The following CELF2 variants were observed in gnomAD, a reference collection of about 807,000 sequenced individuals.
CELF2 encodes the protein CUGBP Elav-like family member 2.
Under a neutral mutation model 62.6 loss-of-function variants are expected in CELF2, and 8 were observed. The ratio of observed to expected loss-of-function variants is 0.13; its 90% CI spans 0.07 to 0.23. The LOEUF is 0.23. Ranked by LOEUF, CELF2 falls within the 10% of genes least tolerant of loss-of-function variation. CELF2 has a pLI of 1.00. For synonymous variants in CELF2, 258 were observed against 250.0 expected, an observed-to-expected ratio of 1.03 and a Z score of -0.30; for missense variants, 333 against 671.0, an observed-to-expected ratio of 0.50 and a Z score of 5.56.
chr10:10,974,058 A>T (rs2051062538), intron 2 of CELF2, among the ~76,000 whole-genome samples: 1 of 152,206 alleles, frequency 6.6e-6, no homozygotes, highest in Non-Finnish European at 1.5e-5. Context: ...CTATACCAGA[A>T]TCTCAGCTCT....
rs1466326189 is a variant in CELF2, at chr10:11,224,092, A to T, written c.354+6585A>T. Among the ~76,000 whole-genome samples the T allele has an allele frequency of 6.6e-6, 1 of 152,230 alleles. No individual in the cohort carries two copies. The highest frequency in any genetic ancestry group is 6.5e-5 in the Admixed American group (1 of 15,286). ...TAAGGAATTGTACGAGAGAAAATGT[A>T]TGAGGATTCTTCAGTGGTGCAAAGT... is the stretch of plus-strand genomic sequence containing the variant. On this transcript the variant is annotated intron_variant, in intron 3 of 12. Coordinates refer to ENST00000633077, the MANE Select transcript of CELF2 (RefSeq NM_001326342.2). The surrounding 1 kb of genome is among the most constrained non-coding windows in gnomAD (Gnocchi z 4.5).
chr10:11,215,029 A>C (rs1252118473), intron 2 of CELF2, among the ~76,000 whole-genome samples: 2 of 152,114 alleles, frequency 1.3e-5, no homozygotes, highest in African/African-American at 4.8e-5. Context: ...AAAACCACCC[A>C]CCTTCTTTTC....
the CELF2 span, among the ~76,000 whole-genome samples, chr10:10,568,038 A>T: frequency 6.6e-6 from 1 of 152,200 alleles, no homozygotes; most frequent in Non-Finnish European, 1.5e-5. Flanking sequence ...CACAGAAGAA[A>T]GAAAAACAAA....
the CELF2 span, among the ~76,000 whole-genome samples, chr10:10,715,324 C>T: frequency 6.6e-6 from 1 of 152,258 alleles, no homozygotes; most frequent in East Asian, 1.9e-4. Context: ...TTCAACAGTC[C>T]ATCTTCCTAC....
chr10:10,672,324 A>G, the CELF2 span, among the ~76,000 whole-genome samples: 1 of 152,142 alleles, frequency 6.6e-6, no homozygotes, highest in Non-Finnish European at 1.5e-5. Context: ...GCCAAATCCA[A>G]GGTTATCTAG....
chr10:10,902,528 G>A (rs529601104), intron 1 of CELF2, among the ~76,000 whole-genome samples: 1 of 152,290 alleles, frequency 6.6e-6, no homozygotes, highest in South Asian at 2.1e-4. Flanking sequence ...TTCTATTTAT[G>A]TACAATTCCA....
chr10:10,851,474 A>G (rs1172492736), intron 1 of CELF2, among the ~76,000 whole-genome samples: 3 of 152,176 alleles, frequency 2.0e-5, no homozygotes, highest in Non-Finnish European at 2.9e-5. Flanking sequence ...ATAAAACTTA[A>G]AACTATAAAA....
chr10:11,067,413 A>G (rs1321310996), intron 1 of CELF2, among the ~76,000 whole-genome samples: 1 of 152,224 alleles, frequency 6.6e-6, no homozygotes, highest in Non-Finnish European at 1.5e-5. Context: ...GCAAATGTGT[A>G]ATATCTGTAG....
chr10:11,154,067 G>A (rs1284407505), intron 1 of CELF2, among the ~76,000 whole-genome samples: 1 of 152,056 alleles, frequency 6.6e-6, no homozygotes, highest in Non-Finnish European at 1.5e-5. Context: ...GCCAGATGTA[G>A]TGTCAAAAAA....
intron 1 of CELF2, among the ~76,000 whole-genome samples, chr10:11,083,551 A>G (rs938141840): frequency 2.0e-5 from 3 of 152,156 alleles, no homozygotes; most frequent in African/African-American, 7.2e-5. Context: ...TACTAAGGTA[A>G]TGTTAGGCTC....
rs112738961 is a variant in CELF2 at position 11,201,953 on chromosome 10, G to A, written c.272-15472G>A. Among the ~76,000 whole-genome samples the A allele has an allele frequency of 4.9e-5, 7 of 143,712 alleles. 1 individual carries two copies. Among genetic ancestry groups the A allele is most frequent in the African/African-American group, 1.2e-4 (5 of 41,312 alleles). 94.3% of individuals were successfully genotyped at this position (143,712 alleles called of 152,430 possible). On this transcript the variant is annotated intron_variant, in intron 2 of 12. Transcript: ENST00000633077. The stretch of plus-strand genomic sequence containing the variant: ...TGTTGTAAGGAATGGTGGTGGACTC[G>A]GTGGTGAAACGTAACTCCTGGCACC...
At chr10:10,756,026 A>T in the CELF2 span, among the ~76,000 whole-genome samples, 1 of 152,238 alleles carries the variant, frequency 6.6e-6, no homozygotes, top group African/African-American at 2.4e-5. Flanking sequence ...TATGTTTTTC[A>T]CAATAATTTC....
At chr10:11,320,031 T>C (rs1180399340) in intron 10 of CELF2, 1 of 346,366 alleles carries the variant, frequency 2.9e-6, no homozygotes, top group Non-Finnish European at 5.7e-6. Context: ...CTCCAATCAA[T>C]AGCCCTACTT....
chr10:10,913,678 G>A (rs111275739), intron 1 of CELF2, among the ~76,000 whole-genome samples: 11,236 of 150,310 alleles, frequency 0.075, 898 homozygotes, highest in African/African-American at 0.2. Flanking sequence ...GGTGTGAGCC[G>A]CTGCACCCAG....
rs1437989656 is a variant in CELF2 at position 11,319,389 on chromosome 10, G to A, written c.1097-1800G>A. Among the ~76,000 whole-genome samples, 2 of 152,156 alleles carry A rather than the reference G, an allele frequency of 1.3e-5. No homozygotes were observed. The highest frequency in any genetic ancestry group is 4.8e-5 in the African/African-American group (2 of 41,422). On this transcript the variant is annotated intron_variant, in intron 10 of 12. Transcript: ENST00000633077. The surrounding 1 kb of genome is among the most constrained non-coding windows in gnomAD (Gnocchi z 4.4). ...TAGAGAAATGACTCTCCAGCCCTCT[G>A]GTGGCCATAGTAACAGGGACAGAGG...
chr10:10,791,308 T>C, the CELF2 span, among the ~76,000 whole-genome samples: 1 of 149,652 alleles, frequency 6.7e-6, no homozygotes, highest in East Asian at 2.0e-4. Context: ...TTTTCCTCTC[T>C]TTAATGTGGC....
the CELF2 span, among the ~76,000 whole-genome samples, chr10:10,736,378 TTCTTTCTTTCTTTCTTTC>T: frequency 9.8e-4 from 97 of 99,158 alleles, no homozygotes; most frequent in Non-Finnish European, 1.8e-3. Context: ...CTTTCTTTCT[TTCTTTCTTTCTTTCTTTC>T]TTTTTTTTTT....
the CELF2 span, among the ~76,000 whole-genome samples, chr10:10,693,456 T>C: frequency 6.6e-6 from 1 of 151,718 alleles, no homozygotes; most frequent in Non-Finnish European, 1.5e-5. Flanking sequence ...ATCAAGGATA[T>C]TGGTCTAAAA....
chr10:10,862,457 C>T (rs2060100473), intron 1 of CELF2, among the ~76,000 whole-genome samples: 1 of 152,188 alleles, frequency 6.6e-6, no homozygotes, highest in Non-Finnish European at 1.5e-5. Flanking sequence ...TCTTTGTGGA[C>T]TTTCCAATAG....
Sources: gnomAD v4.1 joint callset for allele counts (sites outside exome capture counted in the v4.1 genomes callset) on GRCh38, gnomAD v4.1.1 for gene constraint, Gnocchi (gnomAD v3.1) non-coding constraint, MANE v1.5 for transcripts, NCBI Gene and HGNC (gene_info 2026-07-23, HGNC 2026-07-21) for gene names.